Variants in CPEB3 observed in about 807,000 individuals in gnomAD.
CPEB3 encodes cytoplasmic polyadenylation element binding protein 3, also known as cytoplasmic polyadenylation element-binding protein 3.
Under a neutral mutation model 67.2 loss-of-function variants are expected in CPEB3, and 20 were observed. The ratio of observed to expected loss-of-function variants is 0.30; its 90% CI spans 0.21 to 0.43. The LOEUF is 0.43. Ranked by LOEUF, CPEB3 falls within the 20% of genes least tolerant of loss-of-function variation. The pLI, the probability that CPEB3 is intolerant of heterozygous loss-of-function variation, is 1.00. For missense variants in CPEB3, 746 were observed against 968.6 expected, an observed-to-expected ratio of 0.77 and a Z score of 3.05; for synonymous variants, 376 against 393.1, an observed-to-expected ratio of 0.96 and a Z score of 0.51.
chr10:92,227,883 G>A (rs1416301397), intron 2 of CPEB3, among the ~76,000 whole-genome samples: 1 of 144,634 alleles, frequency 6.9e-6, no homozygotes, highest in African/African-American at 2.6e-5. Context: ...GAGCCACCGC[G>A]CCCGGCCTAT....
At chr10:92,092,072 A>T in intron 7 of CPEB3, 128 bp from the exon 8 acceptor site, 1 of 675,346 alleles carries the variant, frequency 1.5e-6, no homozygotes, top group Middle Eastern at 2.5e-4. Context: ...AAATCCAGTT[A>T]ATTAGTTAAC....
chr10:92,139,930 G>A (rs12221454), intron 6 of CPEB3, among the ~76,000 whole-genome samples: 5,547 of 151,884 alleles, frequency 0.037, 279 homozygotes, highest in East Asian at 0.18. Context: ...AAAATTAGCC[G>A]GGTATGGTGG....
chr10:92,268,507 T>G (rs1853161391), intron 1 of CPEB3, among the ~76,000 whole-genome samples: 4 of 152,172 alleles, frequency 2.6e-5, no homozygotes, highest in Admixed American at 2.6e-4. Context: ...TAGAGTGTAC[T>G]GCAGTCACCC....
intron 9 of CPEB3, among the ~76,000 whole-genome samples, chr10:92,080,741 C>T (rs1459938775): frequency 1.3e-5 from 2 of 152,032 alleles, no homozygotes; most frequent in Admixed American, 6.6e-5. Flanking sequence ...CTACAGGTGT[C>T]TGCCACTACT....
At chr10:92,245,468 G>C (rs1181787377) in intron 1 of CPEB3, among the ~76,000 whole-genome samples, 1 of 152,032 alleles carries the variant, frequency 6.6e-6, no homozygotes, top group Non-Finnish European at 1.5e-5. Flanking sequence ...TAAGATTCTA[G>C]CCTAAGTCTG....
In CPEB3 at chr10:92,047,699, T is replaced by A. The variant is rs1852152468; in HGVS notation, c.*4513A>T. 6.6e-6 allele frequency: 1 copy of A among 152,248 alleles called. No homozygotes were observed. The highest frequency in any genetic ancestry group is 2.4e-5 in the African/African-American group (1 of 41,468). 9.4% of individuals were successfully genotyped at this position (152,248 alleles called of 1,614,324 possible). A position where few individuals can be genotyped will look rare whatever the true frequency, so the allele number is the denominator to read the frequency against. ...CAGTAGTACCCAATTTGAGTTAAAA[T>A]TTTACATCACAACTTGATCTAATCT... On this transcript the variant is annotated 3_prime_UTR_variant, in exon 10 of 10. Transcript: ENST00000265997.
At chr10:92,114,534 TG>T (rs1844908495) in intron 6 of CPEB3, among the ~76,000 whole-genome samples, 1 of 152,232 alleles carries the variant, frequency 6.6e-6, no homozygotes, top group Non-Finnish European at 1.5e-5. Context: ...TTAGTAGCTA[TG>T]TGATAATAAC....
At chr10:92,181,102 A>C (rs1027708855) in intron 3 of CPEB3, 83 bp from the exon 4 acceptor site, 2 of 749,086 alleles carry the variant, frequency 2.7e-6, no homozygotes, top group African/African-American at 1.8e-5. Flanking sequence ...CATTACAAAA[A>C]TCTAAAACAG....
At chr10:92,250,404 A>T (rs1852243428) in intron 1 of CPEB3, among the ~76,000 whole-genome samples, 1 of 152,104 alleles carries the variant, frequency 6.6e-6, no homozygotes, top group Non-Finnish European at 1.5e-5. Context: ...TAAAAAAAAA[A>T]TTTAAAAGTT....
chr10:92,061,443 A>AC (rs1842349539), intron 9 of CPEB3, among the ~76,000 whole-genome samples: 8 of 136,928 alleles, frequency 5.8e-5, no homozygotes, highest in African/African-American at 2.2e-4. Flanking sequence ...AAAAAAAAAA[A>AC]CATATGAATA....
intron 4 of CPEB3, among the ~76,000 whole-genome samples, chr10:92,174,923 A>T (rs1848156861): frequency 6.6e-6 from 1 of 152,184 alleles, no homozygotes; most frequent in African/African-American, 2.4e-5. Context: ...TATGCTTCCT[A>T]CTTCCCAAAT....
chr10:92,279,855 C>T (rs1842179566), intron 1 of CPEB3, among the ~76,000 whole-genome samples: 1 of 152,028 alleles, frequency 6.6e-6, no homozygotes, highest in Non-Finnish European at 1.5e-5. Context: ...ACTAAAAATA[C>T]AAAAATTAGC....
intron 9 of CPEB3, among the ~76,000 whole-genome samples, chr10:92,066,671 A>G (rs1229342202): frequency 6.6e-6 from 1 of 152,206 alleles, no homozygotes; most frequent in African/African-American, 2.4e-5. Flanking sequence ...CCGTAACCTC[A>G]TTAATATTCC....
At chr10:92,192,851 C>T (rs1849049669) in intron 2 of CPEB3, among the ~76,000 whole-genome samples, 2 of 152,156 alleles carry the variant, frequency 1.3e-5, no homozygotes, top group Non-Finnish European at 2.9e-5. Flanking sequence ...TGTCTAGGCT[C>T]AAGCAATCCT....
At position 92,283,497 on chromosome 10, in the gene CPEB3, AG is replaced by A. The variant is rs576368619; in HGVS notation, c.-12+7428del. ...CCCAAATCAAATCACCAAGCTTCTG[AG>A]TATCAATGTTAAGACTCAAACCTAT... On this transcript the variant is annotated intron_variant, in intron 1 of 9. Transcript: ENST00000265997. 3.2e-4 allele frequency among the ~76,000 whole-genome samples: 48 copies of A among 152,264 alleles called. No homozygotes were observed. In the East Asian group the frequency reaches 8.5e-3, roughly 27 times the overall value.
At chr10:92,204,836 C>CTTTT (rs750482213) in intron 2 of CPEB3, among the ~76,000 whole-genome samples, 6 of 125,054 alleles carry the variant, frequency 4.8e-5, no homozygotes, top group East Asian at 2.2e-4. Flanking sequence ...ATCTTAACCA[C>CTTTT]TTTTTTTTTT....
At chr10:92,215,216 A>T (rs1850297077) in intron 2 of CPEB3, among the ~76,000 whole-genome samples, 1 of 150,338 alleles carries the variant, frequency 6.7e-6, no homozygotes, top group Non-Finnish European at 1.5e-5. Context: ...GCAGTAGTGC[A>T]ATCTCAGCTC....
At chr10:92,142,855 G>C (rs188981718) in intron 6 of CPEB3, among the ~76,000 whole-genome samples, 174 bp downstream of exon 6, 1 of 152,276 alleles carries the variant, frequency 6.6e-6, no homozygotes, top group Admixed American at 6.5e-5. Flanking sequence ...GTGCTTCAGG[G>C]GAAGAGTCTC....
intron 6 of CPEB3, among the ~76,000 whole-genome samples, chr10:92,113,492 G>A (rs1844852766): frequency 6.6e-6 from 1 of 152,132 alleles, no homozygotes; most frequent in South Asian, 2.1e-4. Flanking sequence ...TTAAATACTG[G>A]TACAGATATC....
Sources: gnomAD v4.1 joint callset for allele counts (sites outside exome capture counted in the v4.1 genomes callset) on GRCh38, gnomAD v4.1.1 for gene constraint, MANE v1.5 for transcripts, NCBI Gene and HGNC (gene_info 2026-07-23, HGNC 2026-07-21) for gene names.